STX7: variants seen among roughly 807,000 people sequenced by gnomAD.
The protein encoded by STX7 is syntaxin-7.
In STX7, 34 loss-of-function variants were observed where a neutral mutation model predicts 39.6. The ratio of observed to expected loss-of-function variants is 0.86; its 90% CI spans 0.65 to 1.14. STX7 has a LOEUF of 1.14. STX7 is among the 50% of genes most tolerant of loss of function. STX7 has a pLI of 0.00. For synonymous variants in STX7, 119 were observed against 99.1 expected, an observed-to-expected ratio of 1.20 and a Z score of -1.19; for missense variants, 284 against 310.4, an observed-to-expected ratio of 0.92 and a Z score of 0.64.
Position 132,456,005 on chromosome 6 carries a change from TC to T in STX7, c.*4752del, listed in dbSNP as rs1268346130. On this transcript the variant is annotated 3_prime_UTR_variant, in exon 10 of 10. Coordinates refer to ENST00000367941, the MANE Select transcript of STX7 (RefSeq NM_003569.3). ...TTCTGATGAAATATAGATTCCAAAT[TC>T]CCCTTGGATCTCACCCTTCTGTCTA... 3 of 152,178 alleles carry T rather than the reference TC, an allele frequency of 2.0e-5. No homozygotes were observed. The highest frequency in any genetic ancestry group is 7.2e-5 in the African/African-American group (3 of 41,446). 9.4% of individuals were successfully genotyped at this position (152,178 alleles called of 1,614,324 possible). A position where few individuals can be genotyped will look rare whatever the true frequency, so the allele number is the denominator to read the frequency against.
intron 7 of STX7, among the ~76,000 whole-genome samples, chr6:132,469,267 C>T (rs1398759974): frequency 6.6e-6 from 1 of 151,990 alleles, no homozygotes; most frequent in Non-Finnish European, 1.5e-5. Context: ...CTTTGAAGGC[C>T]TTATAAAAGG....
intron 3 of STX7, among the ~76,000 whole-genome samples, chr6:132,474,785 T>C (rs974034834): frequency 2.6e-5 from 4 of 152,178 alleles, no homozygotes; most frequent in Non-Finnish European, 5.9e-5. Context: ...AGACAAAATA[T>C]TATCACTATG....
At chr6:132,502,536 C>T (rs537335161) in intron 2 of STX7, among the ~76,000 whole-genome samples, 32 of 152,286 alleles carry the variant, frequency 2.1e-4, no homozygotes, top group South Asian at 6.2e-4. Flanking sequence ...CATATCCTGA[C>T]GATGAATACT....
rs952888506 is a variant in STX7 at position 132,446,915 on chromosome 6, A to G, written c.*13843T>C. ...GTTAGGATGGAGTCAATTCCATCCA[A>G]AGCCAATAGAAGAGAGACAGTACTC... On this transcript the variant is annotated 3_prime_UTR_variant, in exon 10 of 10. Coordinates refer to ENST00000367941, the MANE Select transcript of STX7 (RefSeq NM_003569.3). 1.3e-5 allele frequency: 2 copies of G among 152,158 alleles called. No individual in the cohort carries two copies. Among genetic ancestry groups the G allele is most frequent in the Non-Finnish European group, 2.9e-5 (2 of 68,022 alleles). The allele number at this position is 152,158 out of a possible 1,614,324, so 9.4% of individuals were successfully genotyped here. A position where few individuals can be genotyped will look rare whatever the true frequency, so the allele number is the denominator to read the frequency against.
chr6:132,462,131 T>G (rs974583282), intron 9 of STX7, among the ~76,000 whole-genome samples: 8 of 152,238 alleles, frequency 5.3e-5, no homozygotes, highest in African/African-American at 1.9e-4. Context: ...ATCACGGGTA[T>G]CCCACAATGG....
chr6:132,478,393 T>C (rs765018524), intron 2 of STX7, among the ~76,000 whole-genome samples: 3 of 152,160 alleles, frequency 2.0e-5, no homozygotes, highest in Non-Finnish European at 4.4e-5. Flanking sequence ...AGTTCCACCA[T>C]GTGGTAATTT....
rs1465823336 is a variant in STX7, at chr6:132,453,287, C to G, written c.*7471G>C. 2.0e-5 allele frequency: 3 copies of G among 151,874 alleles called. No homozygotes were observed. The highest frequency in any genetic ancestry group is 7.3e-5 in the African/African-American group (3 of 41,364). The allele number at this position is 151,874 out of a possible 1,614,324, so 9.4% of individuals were successfully genotyped here. On this transcript the variant is annotated 3_prime_UTR_variant, in exon 10 of 10. Transcript: ENST00000367941. ...TATAGACTTAAAAGTAAAACGTAAACTATAATACTTTTAGAAAACAACATA... is the reference window on the plus strand; with the variant it reads ...TATAGACTTAAAAGTAAAACGTAAAGTATAATACTTTTAGAAAACAACATA...
chr6:132,461,930 T>C, intron 9 of STX7: 1 of 1,362,696 alleles, frequency 7.3e-7, no homozygotes, highest in Non-Finnish European at 1.0e-6. Context: ...TATAAAAAGA[T>C]ACATTTCTGA....
intron 1 of STX7, among the ~76,000 whole-genome samples, chr6:132,509,373 AC>A (rs1775782594): frequency 6.6e-6 from 1 of 151,722 alleles, no homozygotes; most frequent in Admixed American, 6.6e-5. Flanking sequence ...AATCGCTTGA[AC>A]CCAGGAGGCG....
intron 2 of STX7, 26 bp from the exon 3 acceptor site, chr6:132,475,688 T>C: frequency 6.6e-7 from 1 of 1,523,584 alleles, no homozygotes; most frequent in East Asian, 2.3e-5. Context: ...ATTCATGTAT[T>C]AATTGTCACA....
intron 2 of STX7, among the ~76,000 whole-genome samples, chr6:132,485,709 T>G (rs1224741266): frequency 6.6e-6 from 1 of 152,208 alleles, no homozygotes; most frequent in Non-Finnish European, 1.5e-5. Flanking sequence ...GCCAAATAGG[T>G]TAATAGTGGT....
intron 2 of STX7, 43 bp from the exon 3 acceptor site, chr6:132,475,705 A>C (rs1474459225): frequency 2.8e-6 from 4 of 1,410,956 alleles, no homozygotes; most frequent in Non-Finnish European, 3.9e-6. Context: ...CACAAAAGTT[A>C]AGGTAACAGA....
intron 2 of STX7, among the ~76,000 whole-genome samples, chr6:132,500,502 T>C (rs1485988992): frequency 1.3e-5 from 2 of 152,152 alleles, no homozygotes; most frequent in African/African-American, 4.8e-5. Flanking sequence ...CTCATCCTCA[T>C]TCAAAGACCA....
chr6:132,464,283 G>A (rs1431137404), intron 8 of STX7, among the ~76,000 whole-genome samples: 1 of 152,098 alleles, frequency 6.6e-6, no homozygotes, highest in Admixed American at 6.5e-5. Flanking sequence ...AACAATATAA[G>A]AGCATTTGTA....
intron 1 of STX7, among the ~76,000 whole-genome samples, chr6:132,505,855 T>C (rs1775694432): frequency 6.7e-6 from 1 of 149,656 alleles, no homozygotes; most frequent in African/African-American, 2.5e-5. Context: ...TAAAAGGGTA[T>C]AGTAACTAAA....
In STX7 at chr6:132,453,336, AG is replaced by A. The variant is rs1358479813; in HGVS notation, c.*7421del. On this transcript the variant is annotated 3_prime_UTR_variant, in exon 10 of 10. Coordinates refer to ENST00000367941, the MANE Select transcript of STX7 (RefSeq NM_003569.3). ...TAAAAGAGAAAATTTGGGGGATCTA[AG>A]GAGAGAGGCAAAGTTCTTGATACCA... 1 of 152,122 alleles carries A rather than the reference AG, an allele frequency of 6.6e-6. No homozygotes were observed. Among genetic ancestry groups the A allele is most frequent in the Non-Finnish European group, 1.5e-5 (1 of 67,976 alleles). 9.4% of individuals were successfully genotyped at this position (152,122 alleles called of 1,614,324 possible).
intron 1 of STX7, 73 bp from the exon 2 acceptor site, chr6:132,503,661 G>T: frequency 1.6e-6 from 1 of 621,480 alleles, no homozygotes. Flanking sequence ...AACAATCTGT[G>T]AAGTTACAAG....
At chr6:132,501,536 G>T (rs192587143) in intron 2 of STX7, among the ~76,000 whole-genome samples, 2 of 152,150 alleles carry the variant, frequency 1.3e-5, no homozygotes, top group Non-Finnish European at 2.9e-5. Flanking sequence ...CTTTCTTAGG[G>T]AACATGGCCT....
chr6:132,492,078 C>T (rs768009130), intron 2 of STX7, among the ~76,000 whole-genome samples: 12 of 152,218 alleles, frequency 7.9e-5, no homozygotes, highest in Admixed American at 3.9e-4. Flanking sequence ...AAAGTCCTTA[C>T]ACCAGCCTGC....
Sources: allele counts gnomAD v4.1 joint callset (sites outside exome capture counted in the v4.1 genomes callset), GRCh38; gene constraint gnomAD v4.1.1; transcripts MANE v1.5; gene names NCBI Gene and HGNC (gene_info 2026-07-23, HGNC 2026-07-21).